Variants in CDKL4 observed in about 807,000 individuals in gnomAD.
CDKL4 encodes cyclin-dependent kinase-like 4.
In CDKL4, 44 loss-of-function variants were observed where a neutral mutation model predicts 42.0. That is an observed-to-expected ratio of 1.05 (90% CI 0.82 to 1.35). CDKL4 has a LOEUF of 1.35. Ranked by LOEUF, CDKL4 falls within the 40% of genes most tolerant of loss-of-function variation. The pLI, the probability that CDKL4 is intolerant of heterozygous loss-of-function variation, is 0.00. For synonymous variants in CDKL4, 120 were observed against 121.6 expected (o/e 0.99, Z 0.09); for missense variants, 393 against 369.9 (o/e 1.06, Z -0.51).
chr2:39,203,382 G>A (rs996947625), intron 5 of CDKL4, among the ~76,000 whole-genome samples: 1 of 151,986 alleles, frequency 6.6e-6, no homozygotes, highest in Admixed American at 6.6e-5. Context: ...TTGTAATGGC[G>A]TATCTGTGTA....
intron 2 of CDKL4, among the ~76,000 whole-genome samples, chr2:39,228,224 C>G (rs901161183): frequency 1.1e-4 from 16 of 152,152 alleles, no homozygotes; most frequent in Non-Finnish European, 1.5e-5. Flanking sequence ...GGTTCAGACC[C>G]GCCCTGCAGC....
At chr2:39,235,469 A>G (rs757701347) in intron 1 of CDKL4, among the ~76,000 whole-genome samples, 1 of 152,204 alleles carries the variant, frequency 6.6e-6, no homozygotes, top group African/African-American at 2.4e-5. Flanking sequence ...CAAATGGGCA[A>G]TAGGTGGGAG....
intron 3 of CDKL4, among the ~76,000 whole-genome samples, 163 bp downstream of exon 3, chr2:39,225,676 C>T (rs1678663742): frequency 6.6e-6 from 1 of 152,082 alleles, no homozygotes; most frequent in African/African-American, 2.4e-5. Flanking sequence ...ATAGGTAAAT[C>T]ATTGTTTGCC....
chr2:39,178,817 G>A (rs1354955819), intron 9 of CDKL4: 1 of 1,542,810 alleles, frequency 6.5e-7, no homozygotes, highest in Non-Finnish European at 8.7e-7. Flanking sequence ...GGAGGCTACA[G>A]AAAGGCACTT....
intron 1 of CDKL4, among the ~76,000 whole-genome samples, chr2:39,236,644 T>C (rs1679391198): frequency 6.6e-6 from 1 of 152,076 alleles, no homozygotes; most frequent in South Asian, 2.1e-4. Flanking sequence ...AAACTGGTTC[T>C]TTGAAAAGAT....
At chr2:39,193,347 C>A (rs181467461) in intron 5 of CDKL4, among the ~76,000 whole-genome samples, 13 of 148,290 alleles carry the variant, frequency 8.8e-5, no homozygotes, top group East Asian at 5.9e-4. Context: ...GTGTAAACAT[C>A]ATTTATAAAA....
chr2:39,227,569 G>GA (rs1370907768), intron 2 of CDKL4, among the ~76,000 whole-genome samples: 1 of 151,744 alleles, frequency 6.6e-6, no homozygotes, highest in South Asian at 2.1e-4. Context: ...CTCTCTAAGG[G>GA]AAAAAAAAGA....
chr2:39,228,241 C>G (rs770364452), intron 2 of CDKL4, among the ~76,000 whole-genome samples: 73 of 152,134 alleles, frequency 4.8e-4, no homozygotes, highest in Non-Finnish European at 8.4e-4. Flanking sequence ...CAGCTTAGCT[C>G]AGTGAGGGTG....
At chr2:39,217,674 A>G (rs1286159130) in intron 3 of CDKL4, among the ~76,000 whole-genome samples, 1 of 152,014 alleles carries the variant, frequency 6.6e-6, no homozygotes, top group African/African-American at 2.4e-5. Flanking sequence ...ATTTTCTGCT[A>G]TTCTCTGAAC....
At chr2:39,193,156 A>G (rs1393280887) in intron 5 of CDKL4, among the ~76,000 whole-genome samples, 4 of 146,352 alleles carry the variant, frequency 2.7e-5, no homozygotes, top group Admixed American at 2.0e-4. Context: ...AAAAGGAGCC[A>G]GGTTTGGTGG....
At chr2:39,176,142 T>C (rs1445767119) in intron 9 of CDKL4, 46 bp from the exon 10 acceptor site, 1 of 450,388 alleles carries the variant, frequency 2.2e-6, no homozygotes, top group Admixed American at 2.7e-5. Context: ...TTGAAAACAA[T>C]TCCTATTTGT....
chr2:39,241,254 T>C (rs913256585), intron 1 of CDKL4, among the ~76,000 whole-genome samples: 1 of 152,186 alleles, frequency 6.6e-6, no homozygotes, highest in Non-Finnish European at 1.5e-5. Context: ...GAAAAATTAA[T>C]ATGCATGTGT....
upstream of CDKL4, among the ~76,000 whole-genome samples, chr2:39,244,201 C>A (rs962001987): frequency 1.3e-5 from 2 of 152,246 alleles, no homozygotes. Context: ...CAGCCCACCG[C>A]TGCACTGTGG....
rs546288723 is a variant in CDKL4 at position 39,222,866 on chromosome 2, G to A, written c.290+2973C>T. Among the ~76,000 whole-genome samples the A allele has an allele frequency of 4.5e-4, 68 of 152,074 alleles. 1 individual carries two copies. Among genetic ancestry groups the A allele is most frequent in the African/African-American group, 1.6e-3 (65 of 41,480 alleles). ...AATTTATAAATTAATTTATAGAATG[G>A]CTGAACATATCTGTCTTCTAAGTCA... On this transcript the variant is annotated intron_variant, in intron 3 of 9. Coordinates refer to ENST00000451199, the Ensembl canonical transcript of CDKL4.
intron 8 of CDKL4, among the ~76,000 whole-genome samples, chr2:39,184,129 T>C (rs1675593642): frequency 1.3e-5 from 2 of 152,232 alleles, no homozygotes; most frequent in Admixed American, 1.3e-4. Context: ...TGGAAGACAC[T>C]ACTGTAGACA....
chr2:39,226,445 T>TTATATATATATTATATATTA (rs1558580483), intron 2 of CDKL4, among the ~76,000 whole-genome samples: 1 of 99,518 alleles, frequency 1.0e-5, no homozygotes, highest in Non-Finnish European at 2.6e-5. Context: ...ATTATATATA[T>TTATATATATATTATATATTA]TATATATATA....
chr2:39,171,792 C>G (rs1263524751), downstream of CDKL4, among the ~76,000 whole-genome samples: 1 of 152,140 alleles, frequency 6.6e-6, no homozygotes, highest in Admixed American at 6.5e-5. Flanking sequence ...CACGAAGAGG[C>G]GGAGCACAGA....
At chr2:39,233,443 A>G (rs541734496) in intron 1 of CDKL4, among the ~76,000 whole-genome samples, 6 of 152,328 alleles carry the variant, frequency 3.9e-5, no homozygotes, top group Admixed American at 3.3e-4. Context: ...AAAAGAAGCG[A>G]GAAGGATACA....
intron 5 of CDKL4, among the ~76,000 whole-genome samples, chr2:39,203,301 G>C (rs945285330): frequency 2.6e-5 from 4 of 152,146 alleles, no homozygotes; most frequent in African/African-American, 7.2e-5. Flanking sequence ...CCAGCCCATG[G>C]AGAAAAATCC....
Sources: gnomAD v4.1 joint callset for allele counts (sites outside exome capture counted in the v4.1 genomes callset) on GRCh38, gnomAD v4.1.1 for gene constraint, MANE v1.5 for transcripts, NCBI Gene and HGNC (gene_info 2026-07-23, HGNC 2026-07-21) for gene names.